The following LSP1 variants were observed in gnomAD, a reference collection of about 807,000 sequenced individuals.
LSP1 encodes the protein lymphocyte specific protein 1.
Under a neutral mutation model 49.3 loss-of-function variants are expected in LSP1, and 32 were observed. The ratio of observed to expected loss-of-function variants is 0.65; its 90% confidence interval spans 0.49 to 0.87. The LOEUF is 0.87. Among genes scored for constraint, LSP1 ranks in the 40% least tolerant of loss-of-function variants. The pLI is 0.00. For synonymous variants in LSP1, 179 were observed against 178.8 expected (o/e 1.00, Z -0.01); for missense variants, 428 against 442.6 (o/e 0.97, Z 0.30).
At chr11:1,875,042 C>G (rs559866445) in intron 1 of LSP1, among the ~76,000 whole-genome samples, 1 of 152,196 alleles carries the variant, frequency 6.6e-6, no homozygotes, top group Non-Finnish European at 1.5e-5. Context: ...TCCTTTCTCG[C>G]GGCCTCCCTG....
intron 1 of LSP1, chr11:1,866,681 A>AG (rs1167309172): frequency 6.5e-7 from 1 of 1,550,198 alleles, no homozygotes; most frequent in Admixed American, 2.0e-5. Flanking sequence ...GTGTTTTCCC[A>AG]GGGGACGCTG....
chr11:1,880,050 G>T (rs370864872), intron 1 of LSP1, 37 bp from the exon 2 acceptor site: 86 of 1,603,060 alleles, frequency 5.4e-5, no homozygotes, highest in Non-Finnish European at 6.9e-5. Context: ...CACCTGTGTC[G>T]GCTGTGGCGT....
Position 1,871,412 on chromosome 11 carries a change from G to C in LSP1, c.54-8675G>C, listed in dbSNP as rs1025759657. On this transcript the variant is annotated intron_variant, in intron 1 of 10. Transcript: ENST00000311604. Reference sequence around the variant, plus strand: ...GCTGACCACAGAGCACATCAAAAGAGGTAGGGCACCCAGCGCAAGGGAGGT... The same window carrying C: ...GCTGACCACAGAGCACATCAAAAGACGTAGGGCACCCAGCGCAAGGGAGGT... 10 of 986,230 alleles carry C rather than the reference G, an allele frequency of 1.0e-5. No homozygotes were observed. In the South Asian group the frequency reaches 4.7e-4, roughly 46 times the overall value. The allele number at this position is 986,230 out of a possible 1,614,324, so 61.1% of individuals were successfully genotyped here. A position where few individuals can be genotyped will look rare whatever the true frequency, so the allele number is the denominator to read the frequency against.
At chr11:1,854,898 C>T (rs1847449750) in intron 1 of LSP1, among the ~76,000 whole-genome samples, 1 of 152,176 alleles carries the variant, frequency 6.6e-6, no homozygotes. Flanking sequence ...CCACCCCCTC[C>T]CAGCTGTCTC....
chr11:1,874,138 C>CA, intron 1 of LSP1, among the ~76,000 whole-genome samples: 1 of 86,580 alleles, frequency 1.2e-5, no homozygotes, highest in Admixed American at 1.3e-4. Flanking sequence ...GGGGGCAGGC[C>CA]GGGGACAGTG....
chr11:1,890,122 C>T lies in LSP1; in HGVS notation c.*14-1651C>T, dbSNP rs771168982. 13 of 717,070 alleles carry T rather than the reference C, an allele frequency of 1.8e-5. No homozygotes were observed. In the South Asian group the frequency reaches 1.9e-4, roughly 11 times the overall value. The allele number at this position is 717,070 out of a possible 1,614,324, so 44.4% of individuals were successfully genotyped here. A position where few individuals can be genotyped will look rare whatever the true frequency, so the allele number is the denominator to read the frequency against. On this transcript the variant is annotated intron_variant, in intron 10 of 10. Coordinates refer to ENST00000311604, the MANE Select transcript of LSP1 (RefSeq NM_002339.3). ...GGCCGGGTAGGTTCTGGGGCCGAGG[C>T]TACAACCTGGGGCCCCATGGCCCTG...
intron 1 of LSP1, among the ~76,000 whole-genome samples, chr11:1,878,270 T>C (rs1260170382): frequency 6.6e-6 from 1 of 151,902 alleles, no homozygotes; most frequent in Non-Finnish European, 1.5e-5. Context: ...GGGGCGTGAG[T>C]GAGCACGAGG....
At chr11:1,858,290 C>T (rs1018292860) in intron 1 of LSP1, among the ~76,000 whole-genome samples, 11 of 152,180 alleles carry the variant, frequency 7.2e-5, no homozygotes, top group African/African-American at 2.4e-4. Context: ...CTGCCCTTCC[C>T]GGGGTCTCTC....
intron 1 of LSP1, among the ~76,000 whole-genome samples, chr11:1,861,843 A>T (rs969843352): frequency 1.3e-5 from 2 of 149,658 alleles, no homozygotes; most frequent in Non-Finnish European, 3.0e-5. Context: ...GGATGGATGG[A>T]TTGATGAGTG....
chr11:1,882,766 G>GCAA (rs1848598962), intron 3 of LSP1, among the ~76,000 whole-genome samples: 1 of 152,204 alleles, frequency 6.6e-6, no homozygotes, highest in East Asian at 1.9e-4. Context: ...TGGGCGGGTG[G>GCAA]GTCTGGGTCT....
intron 1 of LSP1, chr11:1,876,548 G>T (rs542123525): frequency 1.0e-6 from 1 of 985,582 alleles, no homozygotes; most frequent in Non-Finnish European, 1.2e-6. Context: ...CAGGACAGCC[G>T]GGTGGGGCAG....
Position 1,881,478 on chromosome 11 carries a change from G to T in LSP1, c.238G>T (p.Gly80Cys). The change falls in exon 3 of 11, where the codon GGC becomes TGC. Residue 80 changes from glycine (G) to cysteine (C), a missense_variant. Physicochemically the swap from Gly to Cys is radical, Grantham distance 159 (BLOSUM62 -3). Coordinates refer to ENST00000311604, the MANE Select transcript of LSP1 (RefSeq NM_002339.3). Reference sequence around the variant, plus strand: ...GGCCCCTGAACTGGATGAGGACGAGGGCTTTGGCGACTGGTCCCAGAGGCC... The same window carrying T: ...GGCCCCTGAACTGGATGAGGACGAGTGCTTTGGCGACTGGTCCCAGAGGCC... ...SEAPELDEDEGFGDWSQRPEQ... is the reference protein window; with the variant it reads ...SEAPELDEDECFGDWSQRPEQ... 1.3e-6 allele frequency: 2 copies of T among 1,580,640 alleles called. No individual in the cohort carries two copies. Among genetic ancestry groups the T allele is most frequent in the East Asian group, 2.3e-5 (1 of 43,600 alleles).
At chr11:1,862,501 TC>T (rs1847668192) in intron 1 of LSP1, among the ~76,000 whole-genome samples, 1 of 152,124 alleles carries the variant, frequency 6.6e-6, no homozygotes, top group African/African-American at 2.4e-5. Flanking sequence ...TGGCTGGGAC[TC>T]CTCCAGAAGT....
At chr11:1,874,099 G>C (rs148081499) in intron 1 of LSP1, among the ~76,000 whole-genome samples, 4 of 113,798 alleles carry the variant, frequency 3.5e-5, no homozygotes, top group African/African-American at 4.2e-5. Context: ...GAGCAGGGAG[G>C]CCGGCAGAGG....
rs181742875 is a variant in LSP1, at chr11:1,874,105, A to G, written c.54-5982A>G. Among the ~76,000 whole-genome samples, 35 of 85,762 alleles carry G rather than the reference A, an allele frequency of 4.1e-4. 9 individuals carry two copies. The highest frequency in any genetic ancestry group is 1.0e-3 in the Admixed American group (7 of 6,968). The allele number at this position is 85,762 out of a possible 152,430, so 56.3% of individuals were successfully genotyped here. On this transcript the variant is annotated intron_variant, in intron 1 of 10. Transcript: ENST00000311604. ...AGGCCGGCAGAGCAGGGAGGCCGGC[A>G]GAGGAGGGAGGCTGGGGACAGTGGG...
chr11:1,884,542 G>A lies in LSP1; in HGVS notation c.678G>A (p.Lys226=), dbSNP rs199605532. 3.6e-5 allele frequency: 58 copies of A among 1,613,942 alleles called. No homozygotes were observed. The highest frequency in any genetic ancestry group is 1.8e-4 in the Admixed American group (11 of 60,004). Residue 226 remains lysine, a synonymous_variant, in exon 7 of 11, where the codon AAG becomes AAA. Coordinates refer to ENST00000311604, the MANE Select transcript of LSP1 (RefSeq NM_002339.3). This position sits in a 1 kb window ranked among gnomAD's most constrained non-coding sequence, Gnocchi z 4.1. ...KKSQPDLPIS[K]IDQWLEQYTQ... is the part of the protein sequence containing the mutation. ...CCCAGCCAGACTTGCCCATCTCCAA[G>A]ATTGATCAGTGGCTGGAACAATACA... is the stretch of plus-strand genomic sequence containing the variant.
At chr11:1,869,646 A>G (rs1421736392) in intron 1 of LSP1, 2 of 469,752 alleles carry the variant, frequency 4.3e-6, no homozygotes, top group East Asian at 1.4e-4. Context: ...TGTCTCACAC[A>G]GCTTCTTGGT....
chr11:1,886,272 C>T (rs779041474), intron 7 of LSP1, among the ~76,000 whole-genome samples: 1 of 152,108 alleles, frequency 6.6e-6, no homozygotes, highest in Non-Finnish European at 1.5e-5. Flanking sequence ...AATGCCCCTC[C>T]ATCTAACAAA....
intron 1 of LSP1, chr11:1,866,744 C>T: frequency 6.4e-7 from 1 of 1,550,514 alleles, no homozygotes; most frequent in Non-Finnish European, 8.7e-7. Flanking sequence ...TGGGGTCAAT[C>T]CCCCAGGCTC....
Sources: gnomAD v4.1 joint callset for allele counts (sites outside exome capture counted in the v4.1 genomes callset) on GRCh38, gnomAD v4.1.1 for gene constraint, Gnocchi (gnomAD v3.1) non-coding constraint, MANE v1.5 for transcripts, NCBI Gene and HGNC (gene_info 2026-07-23, HGNC 2026-07-21) for gene names.